The following ATAD1 variants were observed in gnomAD, a reference collection of about 807,000 sequenced individuals.
The protein encoded by ATAD1 is ATPase family AAA domain containing 1, also known as outer mitochondrial transmembrane helix translocase.
ATAD1 carries 18 observed loss-of-function variants against 42.7 expected under a neutral mutation model. The observed-to-expected ratio is 0.42, with a 90% CI of 0.29 to 0.63. The LOEUF is 0.63. ATAD1 is among the 20% of genes least tolerant of loss of function. The pLI is 0.19. For missense variants in ATAD1, 294 were observed against 440.4 expected (o/e 0.67, Z 2.98); for synonymous variants, 132 against 143.1 (o/e 0.92, Z 0.55).
intron 1 of ATAD1, among the ~76,000 whole-genome samples, chr10:87,834,709 C>G (rs184305071): frequency 6.6e-5 from 10 of 151,954 alleles, no homozygotes; most frequent in African/African-American, 2.4e-4. Flanking sequence ...CTTAAAGAAC[C>G]AGTTTTTTGT....
intron 8 of ATAD1, 25 bp from the exon 9 acceptor site, chr10:87,756,947 T>A (rs760200487): frequency 6.4e-7 from 1 of 1,560,218 alleles, no homozygotes; most frequent in Admixed American, 2.0e-5. Flanking sequence ...AAAACATGCT[T>A]AAAAAACAAA....
At chr10:87,774,267 G>C (rs1436110106) in intron 6 of ATAD1, among the ~76,000 whole-genome samples, 1 of 152,216 alleles carries the variant, frequency 6.6e-6, no homozygotes, top group South Asian at 2.1e-4. Context: ...TAAGGCTGGA[G>C]GTAAAGCCTA....
chr10:87,813,523 T>C (rs1436331082), intron 2 of ATAD1, among the ~76,000 whole-genome samples: 6 of 152,038 alleles, frequency 3.9e-5, no homozygotes, highest in African/African-American at 1.4e-4. Flanking sequence ...TTTATAAAAT[T>C]GTGGTTTTCA....
At chr10:87,763,078 CACAAAAAAAAAAAAAA>C (rs1854569709) in intron 8 of ATAD1, among the ~76,000 whole-genome samples, 21 of 47,914 alleles carry the variant, frequency 4.4e-4, no homozygotes, top group African/African-American at 2.0e-3. Context: ...GAGACTCTGT[CACAAAAAAAAAAAAAA>C]AAAAAAAAAA....
At chr10:87,809,001 T>C (rs1039809773) in intron 2 of ATAD1, among the ~76,000 whole-genome samples, 3 of 152,260 alleles carry the variant, frequency 2.0e-5, no homozygotes, top group Non-Finnish European at 4.4e-5. Context: ...CAGAATTTGC[T>C]ATAAAGTTCT....
At chr10:87,835,259 G>T (rs1244132422) in intron 1 of ATAD1, among the ~76,000 whole-genome samples, 1 of 151,978 alleles carries the variant, frequency 6.6e-6, no homozygotes, top group African/African-American at 2.4e-5. Flanking sequence ...TGATGGTATG[G>T]TTCAATTTTT....
chr10:87,840,301 T>C (rs1358441092), intron 1 of ATAD1, among the ~76,000 whole-genome samples: 2 of 152,082 alleles, frequency 1.3e-5, no homozygotes, highest in South Asian at 2.1e-4. Context: ...CTGGGCAACA[T>C]AGTGAGACCC....
rs555355463 is a variant in ATAD1 at position 87,779,740 on chromosome 10, G to A, written c.584-3313C>T. 4.6e-5 allele frequency among the ~76,000 whole-genome samples: 7 copies of A among 152,220 alleles called. No homozygotes were observed. In the East Asian group the frequency reaches 5.8e-4, roughly 13 times the overall value. On this transcript the variant is annotated intron_variant, in intron 5 of 9. Coordinates refer to ENST00000680024, the MANE Select transcript of ATAD1 (RefSeq NM_001321967.2). ...ACAATGTTCCACATCATGTCATTAC[G>A]AAAATGCAAATTTTAAAAATGGGAA...
At chr10:87,762,606 G>A (rs528877424) in intron 8 of ATAD1, among the ~76,000 whole-genome samples, 11 of 151,368 alleles carry the variant, frequency 7.3e-5, no homozygotes, top group Non-Finnish European at 1.5e-4. Context: ...CCAGGATTAC[G>A]GTTGCCAGCC....
At chr10:87,827,923 G>C (rs1353463906) in intron 1 of ATAD1, among the ~76,000 whole-genome samples, 1 of 152,092 alleles carries the variant, frequency 6.6e-6, no homozygotes, top group Non-Finnish European at 1.5e-5. Flanking sequence ...TTAGCCAAGT[G>C]GTGAATGCAA....
At chr10:87,777,608 A>C (rs1024324780) in intron 5 of ATAD1, among the ~76,000 whole-genome samples, 11 of 151,916 alleles carry the variant, frequency 7.2e-5, no homozygotes, top group Admixed American at 6.6e-5. Flanking sequence ...AAAAAAAAAA[A>C]CAGTAAAAAT....
chr10:87,774,924 C>G (rs532391763), intron 6 of ATAD1, among the ~76,000 whole-genome samples: 1 of 152,182 alleles, frequency 6.6e-6, no homozygotes, highest in East Asian at 1.9e-4. Context: ...CACTGCATTC[C>G]AACCTGGGCA....
chr10:87,792,197 C>A (rs1350871703), intron 3 of ATAD1, among the ~76,000 whole-genome samples: 2 of 152,210 alleles, frequency 1.3e-5, no homozygotes, highest in Non-Finnish European at 2.9e-5. Flanking sequence ...GAACAGCTCA[C>A]TGTGCCTAAA....
intron 1 of ATAD1, among the ~76,000 whole-genome samples, chr10:87,835,437 T>C (rs2132116470): frequency 6.6e-6 from 1 of 152,318 alleles, no homozygotes; most frequent in East Asian, 1.9e-4. Context: ...TTTTCTTTGC[T>C]CTGAAGTCTA....
intron 1 of ATAD1, 144 bp downstream of exon 1, chr10:87,818,023 C>A (rs934519047): frequency 1.0e-6 from 1 of 985,700 alleles, no homozygotes; most frequent in African/African-American, 1.7e-5. Flanking sequence ...CTGCGGGGCG[C>A]TTGGGGGCGG....
chr10:87,764,381 G>A (rs1288826194), intron 8 of ATAD1, among the ~76,000 whole-genome samples: 2 of 152,262 alleles, frequency 1.3e-5, no homozygotes, highest in African/African-American at 4.8e-5. Flanking sequence ...AGAATCACTT[G>A]AACCTGGAAG....
At chr10:87,795,234 G>A (rs535680353) in intron 2 of ATAD1, among the ~76,000 whole-genome samples, 1 of 152,122 alleles carries the variant, frequency 6.6e-6, no homozygotes, top group East Asian at 1.9e-4. Context: ...GCAGAACATG[G>A]CTGGCAAATA....
chr10:87,805,976 C>A (rs1390357145), intron 2 of ATAD1, among the ~76,000 whole-genome samples: 1 of 152,108 alleles, frequency 6.6e-6, no homozygotes, highest in Non-Finnish European at 1.5e-5. Context: ...TCTTTTGCAA[C>A]CTTCTCCTTC....
intron 7 of ATAD1, 46 bp from the exon 8 acceptor site, chr10:87,767,769 T>C (rs1854831653): frequency 6.5e-7 from 1 of 1,536,028 alleles, no homozygotes; most frequent in African/African-American, 1.4e-5. Flanking sequence ...TTTTTATTTT[T>C]TTAAAAAGAT....
Sources: allele counts gnomAD v4.1 joint callset (sites outside exome capture counted in the v4.1 genomes callset), GRCh38; gene constraint gnomAD v4.1.1; transcripts MANE v1.5; gene names NCBI Gene and HGNC (gene_info 2026-07-23, HGNC 2026-07-21).